The following NLGN1 variants were observed in gnomAD, a reference collection of about 807,000 sequenced individuals.
The protein encoded by NLGN1 is neuroligin-1.
In NLGN1, 12 loss-of-function variants were observed where a neutral mutation model predicts 65.5. The observed-to-expected ratio is 0.18, with a 90% CI of 0.12 to 0.30. The LOEUF (loss-of-function observed/expected upper bound fraction) is 0.30, where lower values mean the gene tolerates loss of function less well. Ranked by LOEUF, NLGN1 falls within the 10% of genes least tolerant of loss-of-function variation. NLGN1 has a pLI of 1.00. For synonymous variants in NLGN1, 350 were observed against 359.5 expected (o/e 0.97, Z 0.30); for missense variants, 750 against 1,007.1 (o/e 0.74, Z 3.46).
intron 4 of NLGN1, among the ~76,000 whole-genome samples, chr3:174,102,491 A>G (rs1343200756): frequency 1.3e-5 from 2 of 152,164 alleles, no homozygotes; most frequent in Non-Finnish European, 2.9e-5. Context: ...CAGATAACAC[A>G]ATCAACCTTT....
intron 4 of NLGN1, among the ~76,000 whole-genome samples, chr3:173,827,949 A>G (rs767417526): frequency 6.6e-6 from 1 of 151,982 alleles, no homozygotes; most frequent in African/African-American, 2.4e-5. Flanking sequence ...TACTCAGTAT[A>G]CTGATTTCAA....
chr3:174,245,797 A>G lies in NLGN1; in HGVS notation c.647-29518A>G, dbSNP rs545441242. On this transcript the variant is annotated intron_variant, in intron 4 of 6. Coordinates refer to ENST00000457714, the Ensembl canonical transcript of NLGN1. ...AATATTCTGCCCACTTACTTTACACATTCTTAAGACCTATAACCAGCCTTG... is the reference window on the plus strand; with the variant it reads ...AATATTCTGCCCACTTACTTTACACGTTCTTAAGACCTATAACCAGCCTTG... 5.1e-3 allele frequency among the ~76,000 whole-genome samples: 775 copies of G among 152,254 alleles called. 4 individuals are homozygous for G. The highest frequency in any genetic ancestry group is 0.01 in the Middle Eastern group (3 of 294).
intron 2 of NLGN1, among the ~76,000 whole-genome samples, chr3:173,547,268 C>A (rs2149252152): frequency 6.6e-6 from 1 of 152,256 alleles, no homozygotes; most frequent in Middle Eastern, 3.4e-3. Flanking sequence ...GAACTACAGT[C>A]TTGTAAATCT....
chr3:174,289,953 G>GTATATATATATA (rs759762696), downstream of NLGN1, among the ~76,000 whole-genome samples: 99 of 89,854 alleles, frequency 1.1e-3, no homozygotes, highest in African/African-American at 5.4e-3. Flanking sequence ...GTATATATAT[G>GTATATATATATA]TGTATATATA....
intron 4 of NLGN1, among the ~76,000 whole-genome samples, chr3:174,111,384 C>T (rs58343511): frequency 0.11 from 17,168 of 151,850 alleles, 1,022 homozygotes; most frequent in East Asian, 0.16. Context: ...TTAATAAAAG[C>T]CAGAACTTTG....
At chr3:174,146,029 G>A (rs1723156357) in intron 4 of NLGN1, among the ~76,000 whole-genome samples, 1 of 152,130 alleles carries the variant, frequency 6.6e-6, no homozygotes, top group South Asian at 2.1e-4. Flanking sequence ...AAAAGTTTAA[G>A]AATCAAAATT....
At chr3:174,209,919 C>A (rs914334111) in intron 4 of NLGN1, among the ~76,000 whole-genome samples, 1 of 152,058 alleles carries the variant, frequency 6.6e-6, no homozygotes, top group Non-Finnish European at 1.5e-5. Flanking sequence ...GCGTGAACCA[C>A]CGCGCCTGGC....
At chr3:174,112,667 T>A (rs757622863) in intron 4 of NLGN1, among the ~76,000 whole-genome samples, 4 of 151,996 alleles carry the variant, frequency 2.6e-5, no homozygotes, top group Non-Finnish European at 4.4e-5. Flanking sequence ...TTACTTCCGC[T>A]TAAAATGATG....
At chr3:173,682,317 C>A (rs758837376) in intron 3 of NLGN1, among the ~76,000 whole-genome samples, 4 of 151,894 alleles carry the variant, frequency 2.6e-5, no homozygotes, top group African/African-American at 9.7e-5. Flanking sequence ...TGGCTGGGCA[C>A]GGTGGCTCAC....
chr3:173,799,191 TTTAAC>T (rs1714855901), intron 3 of NLGN1, among the ~76,000 whole-genome samples: 1 of 151,986 alleles, frequency 6.6e-6, no homozygotes, highest in African/African-American at 2.4e-5. Context: ...TTGGCTGTCT[TTTAAC>T]TTGAGTGTCG....
intron 2 of NLGN1, among the ~76,000 whole-genome samples, chr3:173,592,837 A>G: frequency 6.6e-6 from 1 of 152,290 alleles, no homozygotes; most frequent in Non-Finnish European, 1.5e-5. Context: ...AATGATTCTC[A>G]TCATAGTTTG....
At chr3:173,759,795 G>T (rs555499961) in intron 3 of NLGN1, among the ~76,000 whole-genome samples, 1 of 151,526 alleles carries the variant, frequency 6.6e-6, no homozygotes, top group African/African-American at 2.4e-5. Context: ...TAAATCTTTT[G>T]TATATAATAC....
chr3:173,776,202 CA>C (rs1196401068), intron 3 of NLGN1, among the ~76,000 whole-genome samples: 2 of 151,828 alleles, frequency 1.3e-5, no homozygotes, highest in Admixed American at 6.6e-5. Flanking sequence ...GGGTAATGAA[CA>C]AAAAAACTTT....
intron 2 of NLGN1, among the ~76,000 whole-genome samples, chr3:173,444,402 C>T (rs534274066): frequency 2.4e-4 from 36 of 152,128 alleles, no homozygotes; most frequent in South Asian, 1.0e-3. Context: ...GAAATGAGCA[C>T]GGGTGTGATT....
At chr3:173,406,290 T>A (rs1718636943) in intron 1 of NLGN1, among the ~76,000 whole-genome samples, 1 of 151,710 alleles carries the variant, frequency 6.6e-6, no homozygotes, top group Non-Finnish European at 1.5e-5. Flanking sequence ...AAAGAAAACT[T>A]ATGCAAGGAA....
At chr3:173,472,583 A>C (rs1725488391) in intron 2 of NLGN1, among the ~76,000 whole-genome samples, 1 of 152,048 alleles carries the variant, frequency 6.6e-6, no homozygotes, top group Non-Finnish European at 1.5e-5. Context: ...CTTGGGTAGA[A>C]GGAATTTATT....
intron 4 of NLGN1, among the ~76,000 whole-genome samples, chr3:174,223,043 G>A (rs900455535): frequency 6.6e-6 from 1 of 152,002 alleles, no homozygotes; most frequent in African/African-American, 2.4e-5. Flanking sequence ...TGCCACCAGA[G>A]AGGAGGTCAG....
In NLGN1 at chr3:174,081,675, G is replaced by A. The variant is rs143021257; in HGVS notation, c.647-193640G>A. ...TGATCTTGGCTCACCGGGTTCAAGC[G>A]ATTCTCCTGCCTCAGCCTCCCGAGT... On this transcript the variant is annotated intron_variant, in intron 4 of 6. Coordinates refer to ENST00000457714, the Ensembl canonical transcript of NLGN1. Among the ~76,000 whole-genome samples, 321 of 149,042 alleles carry A rather than the reference G, an allele frequency of 2.2e-3. 1 individual carries two copies. The highest frequency in any genetic ancestry group is 5.7e-3 in the African/African-American group (229 of 40,322).
chr3:173,440,603 T>C (rs1435711343), intron 2 of NLGN1, among the ~76,000 whole-genome samples: 5 of 152,170 alleles, frequency 3.3e-5, no homozygotes. Flanking sequence ...CTTGAGTGAC[T>C]AGGTGCGTTG....
Sources: allele counts gnomAD v4.1 joint callset (sites outside exome capture counted in the v4.1 genomes callset), GRCh38; gene constraint gnomAD v4.1.1; transcripts MANE v1.5; gene names NCBI Gene and HGNC (gene_info 2026-07-23, HGNC 2026-07-21).